QSER1: variants seen among roughly 807,000 people sequenced by gnomAD.
QSER1 encodes glutamine and serine rich 1.
Under a neutral mutation model 158.5 loss-of-function variants are expected in QSER1, and 49 were observed. That is an observed-to-expected ratio of 0.31 (90% CI 0.25 to 0.39). QSER1 has a LOEUF of 0.39. Ranked by LOEUF, QSER1 falls within the 10% of genes least tolerant of loss-of-function variation. The pLI is 1.00. For missense variants in QSER1, 1,754 were observed against 2,010.3 expected, an observed-to-expected ratio of 0.87 and a Z score of 2.44; for synonymous variants, 650 against 715.5, an observed-to-expected ratio of 0.91 and a Z score of 1.46.
chr11:32,931,306 G>A (rs958108864), intron 3 of QSER1, among the ~76,000 whole-genome samples: 13 of 152,158 alleles, frequency 8.5e-5, no homozygotes, highest in South Asian at 2.1e-4. Context: ...TAATCCAGGC[G>A]TGGTGGCTTG....
At chr11:32,895,973 A>C (rs554970989) in intron 1 of QSER1, among the ~76,000 whole-genome samples, 1 of 152,228 alleles carries the variant, frequency 6.6e-6, no homozygotes, top group Non-Finnish European at 1.5e-5. Flanking sequence ...AGATTTTTGA[A>C]TATTTCTCAG....
In QSER1 at chr11:32,979,239, T is replaced by C. The variant is rs1035962833; in HGVS notation, c.*2765T>C. 1 of 152,652 alleles carries C rather than the reference T, an allele frequency of 6.6e-6. No homozygotes were observed. The highest frequency in any genetic ancestry group is 6.5e-5 in the Admixed American group (1 of 15,282). 9.5% of individuals were successfully genotyped at this position (152,652 alleles called of 1,614,324 possible). A position where few individuals can be genotyped will look rare whatever the true frequency, so the allele number is the denominator to read the frequency against. Reference sequence around the variant, plus strand: ...GCCAGGGAGTTTGAAATTTATACTATAGAAATAACTTTAGGTTTTAGGTAG... The same window carrying C: ...GCCAGGGAGTTTGAAATTTATACTACAGAAATAACTTTAGGTTTTAGGTAG... On this transcript the variant is annotated 3_prime_UTR_variant, in exon 13 of 13. Transcript: ENST00000650167.
chr11:32,976,639 A>T lies in QSER1; in HGVS notation c.*165A>T, dbSNP rs1166618771. 1.5e-6 allele frequency: 1 copy of T among 688,510 alleles called. No individual in the cohort carries two copies. The highest frequency in any genetic ancestry group is 1.9e-5 in the African/African-American group (1 of 52,236). The allele number at this position is 688,510 out of a possible 1,614,324, so 42.7% of individuals were successfully genotyped here. ...AAGGACAGTGGTGCGGCCTTTAGGAACGAAGTTAGTCCTCTGGAAATGGAC... is the reference window on the plus strand; with the variant it reads ...AAGGACAGTGGTGCGGCCTTTAGGATCGAAGTTAGTCCTCTGGAAATGGAC... On this transcript the variant is annotated 3_prime_UTR_variant, in exon 13 of 13. Transcript: ENST00000650167.
intron 4 of QSER1, among the ~76,000 whole-genome samples, chr11:32,951,636 G>A (rs1055712937): frequency 2.6e-5 from 4 of 152,030 alleles, no homozygotes; most frequent in Non-Finnish European, 4.4e-5. Context: ...TACAATGTAA[G>A]TTTGCAGTTC....
chr11:32,898,848 A>G (rs1224347821), intron 1 of QSER1, among the ~76,000 whole-genome samples: 3 of 152,206 alleles, frequency 2.0e-5, no homozygotes, highest in African/African-American at 7.2e-5. Flanking sequence ...GTGAGCCACC[A>G]TGCCTCGCAC....
chr11:32,952,791 T>G (rs1376437397), intron 4 of QSER1, among the ~76,000 whole-genome samples: 1 of 151,760 alleles, frequency 6.6e-6, no homozygotes, highest in Non-Finnish European at 1.5e-5. Flanking sequence ...GATTTTCTAT[T>G]TCTTCCCAAG....
rs1482888122 is a variant in QSER1 at position 32,934,499 on chromosome 11, C to G, written c.3241C>G (p.Gln1081Glu). 2 of 1,613,580 alleles carry G rather than the reference C, an allele frequency of 1.2e-6. No homozygotes were observed. The highest frequency in any genetic ancestry group is 4.5e-5 in the East Asian group (2 of 44,878). ...TCAACAGCACATTGAAACACCTGGT[C>G]AAAATATACCAACTAAAGTAACTTC... The part of the protein sequence containing the change: ...LDQQHIETPG[Q>E]NIPTKVTSAV... The change falls in exon 4 of 13, where the codon CAA becomes GAA. Residue 1081 changes from glutamine to glutamate, a missense_variant. Gln to Glu is a conservative substitution (Grantham distance 29). Around this residue, in one of 2 missense-constraint regions of QSER1, gnomAD observed 1,707 missense variants for 1,919.6 expected, o/e 0.89. Transcript: ENST00000650167.
At chr11:32,929,472 T>C (rs1852017214) in intron 3 of QSER1, among the ~76,000 whole-genome samples, 1 of 152,162 alleles carries the variant, frequency 6.6e-6, no homozygotes, top group South Asian at 2.1e-4. Flanking sequence ...GACTCCCAGG[T>C]TAGTAGGTAG....
chr11:32,926,154 A>G (rs1851967372), intron 1 of QSER1: 1 of 151,976 alleles, frequency 6.6e-6, no homozygotes, highest in South Asian at 2.1e-4. Context: ...CAAAAGGTCA[A>G]GGGATTTGGG....
intron 4 of QSER1, among the ~76,000 whole-genome samples, chr11:32,943,820 C>A (rs1292510187): frequency 6.6e-6 from 1 of 152,138 alleles, no homozygotes; most frequent in African/African-American, 2.4e-5. Flanking sequence ...TACCAGTTTC[C>A]TCCTTGTACC....
intron 1 of QSER1, among the ~76,000 whole-genome samples, chr11:32,904,375 A>G (rs1851664423): frequency 6.6e-6 from 1 of 151,870 alleles, no homozygotes; most frequent in Non-Finnish European, 1.5e-5. Flanking sequence ...TATTTTTAGT[A>G]GAGACGAGGT....
intron 8 of QSER1, among the ~76,000 whole-genome samples, chr11:32,965,976 C>CACACACACAA (rs1852738147): frequency 6.6e-6 from 1 of 151,590 alleles, no homozygotes; most frequent in South Asian, 2.1e-4. Context: ...CACACACACA[C>CACACACACAA]ACACACACAC....
intron 1 of QSER1, among the ~76,000 whole-genome samples, chr11:32,906,555 T>C (rs1490998708): frequency 6.6e-6 from 1 of 152,004 alleles, no homozygotes; most frequent in African/African-American, 2.4e-5. Flanking sequence ...TGTGCCACCA[T>C]GCCTGGCTAA....
Position 32,933,912 on chromosome 11 carries a change from G to A in QSER1, c.2654G>A (p.Arg885His), listed in dbSNP as rs766502882. ...GTAAAGGCATCTTTACAAGCACAGCGTGTTCAAAGCCCTCAACAAATAGTA... is the reference window on the plus strand; with the variant it reads ...GTAAAGGCATCTTTACAAGCACAGCATGTTCAAAGCCCTCAACAAATAGTA... ...GQVKASLQAQ[R>H]VQSPQQIVHP... Residue 885 changes from arginine to histidine, a missense_variant, in exon 4 of 13, where the codon CGT becomes CAT. Coordinates refer to ENST00000650167, the MANE Select transcript of QSER1 (RefSeq NM_001076786.3). The A allele has an allele frequency of 1.4e-5, 23 of 1,613,820 alleles. No homozygotes were observed. The highest frequency in any genetic ancestry group is 5.3e-5 in the African/African-American group (4 of 74,898).
chr11:32,937,745 T>TGTTTTACTCTCTTTCCAC (rs1375318452), intron 4 of QSER1, among the ~76,000 whole-genome samples: 1 of 152,254 alleles, frequency 6.6e-6, no homozygotes, highest in Non-Finnish European at 1.5e-5. Flanking sequence ...CCTTTTTCCA[T>TGTTTTACTCTCTTTCCAC]GTTTTACTCT....
rs372756104 is a variant in QSER1 at position 32,934,522 on chromosome 11, T to C, written c.3264T>C (p.Thr1088=). Residue 1088 remains threonine, a synonymous_variant, in exon 4 of 13, where the codon ACT becomes ACC. Coordinates refer to ENST00000650167, the MANE Select transcript of QSER1 (RefSeq NM_001076786.3). Reference sequence around the variant, plus strand: ...GTCAAAATATACCAACTAAAGTAACTTCAGCAGTGGTTGGACCAAGTCATG... The same window carrying C: ...GTCAAAATATACCAACTAAAGTAACCTCAGCAGTGGTTGGACCAAGTCATG... ...TPGQNIPTKV[T]SAVVGPSHEV... 34 of 1,613,506 alleles carry C rather than the reference T, an allele frequency of 2.1e-5. No individual in the cohort carries two copies. The highest frequency in any genetic ancestry group is 4.0e-5 in the African/African-American group (3 of 74,926).
At chr11:32,912,076 A>C (rs1196720054) in intron 1 of QSER1, among the ~76,000 whole-genome samples, 2 of 152,178 alleles carry the variant, frequency 1.3e-5, no homozygotes, top group Non-Finnish European at 2.9e-5. Context: ...ATTTTCATTT[A>C]CTTCCATGAC....
At chr11:32,957,134 C>CTTTCT (rs1852529932) in intron 7 of QSER1, among the ~76,000 whole-genome samples, 2 of 127,876 alleles carry the variant, frequency 1.6e-5, no homozygotes, top group Non-Finnish European at 3.4e-5. Context: ...CTTTTTTTTT[C>CTTTCT]TTTTTTTTTT....
At chr11:32,921,592 A>T (rs1427455143) in intron 1 of QSER1, among the ~76,000 whole-genome samples, 1 of 152,238 alleles carries the variant, frequency 6.6e-6, no homozygotes, top group Non-Finnish European at 1.5e-5. Context: ...ACATGTAAGA[A>T]TTATACACTA....
Sources: gnomAD v4.1 joint callset for allele counts (sites outside exome capture counted in the v4.1 genomes callset) on GRCh38, gnomAD v4.1.1 for gene constraint, gnomAD v4.1.1 regional missense constraint, MANE v1.5 for transcripts, NCBI Gene and HGNC (gene_info 2026-07-23, HGNC 2026-07-21) for gene names.